The following GPC6 variants were observed in gnomAD, a reference collection of about 807,000 sequenced individuals.
The protein encoded by GPC6 is glypican 6.
Under a neutral mutation model 55.2 loss-of-function variants are expected in GPC6, and 14 were observed. That is an observed-to-expected ratio of 0.25 (90% CI 0.17 to 0.40). The LOEUF (loss-of-function observed/expected upper bound fraction) is 0.40, where lower values mean the gene tolerates loss of function less well. GPC6 is among the 10% of genes least tolerant of loss of function. The probability of loss-of-function intolerance (pLI) is 1.00; values close to 1 mark genes in which losing one functional copy is unlikely to be tolerated. For synonymous variants in GPC6, 278 were observed against 259.6 expected (o/e 1.07, Z -0.68); for missense variants, 641 against 708.5 (o/e 0.90, Z 1.08).
intron 4 of GPC6, among the ~76,000 whole-genome samples, chr13:94,143,650 G>A (rs1887460208): frequency 6.6e-6 from 1 of 152,144 alleles, no homozygotes; most frequent in Admixed American, 6.5e-5. Flanking sequence ...GCACTTTGGA[G>A]GCCAAGGTGG....
chr13:93,729,315 A>G, intron 2 of GPC6, among the ~76,000 whole-genome samples: 1 of 152,200 alleles, frequency 6.6e-6, no homozygotes, highest in South Asian at 2.1e-4. Flanking sequence ...TCAGAGGAGC[A>G]ATAAACACAA....
intron 1 of GPC6, among the ~76,000 whole-genome samples, chr13:93,479,241 C>G (rs907694442): frequency 2.6e-5 from 4 of 152,038 alleles, no homozygotes; most frequent in Admixed American, 6.6e-5. Flanking sequence ...GAACTAAGAA[C>G]CAGATCCAAA....
chr13:93,245,571 G>A (rs1417832670), intron 1 of GPC6, among the ~76,000 whole-genome samples: 1 of 152,214 alleles, frequency 6.6e-6, no homozygotes, highest in Non-Finnish European at 1.5e-5. Context: ...TTTCTAACAA[G>A]TTCTCAGGTG....
At chr13:94,387,826 A>C (rs954590985) in intron 7 of GPC6, among the ~76,000 whole-genome samples, 1 of 151,948 alleles carries the variant, frequency 6.6e-6, no homozygotes, top group African/African-American at 2.4e-5. Context: ...CTAATCAGAC[A>C]CAGGATATGC....
chr13:94,182,215 A>T (rs1468245198), intron 4 of GPC6, among the ~76,000 whole-genome samples: 5 of 148,526 alleles, frequency 3.4e-5, no homozygotes, highest in Admixed American at 1.3e-4. Flanking sequence ...TTTTTTTTTT[A>T]AAGATAAATG....
chr13:93,391,717 G>A (rs538456953), intron 1 of GPC6, among the ~76,000 whole-genome samples: 3 of 152,096 alleles, frequency 2.0e-5, no homozygotes, highest in Non-Finnish European at 4.4e-5. Context: ...TCATTTCTTG[G>A]GGTTCTTTTT....
At chr13:93,529,911 A>G (rs904859861) in intron 1 of GPC6, among the ~76,000 whole-genome samples, 1 of 152,184 alleles carries the variant, frequency 6.6e-6, no homozygotes, top group Non-Finnish European at 1.5e-5. Flanking sequence ...AGTGGAAATT[A>G]AACAAATGAA....
chr13:94,306,139 TTGA>T lies in GPC6; in HGVS notation c.1152+18_1152+20del. On this transcript the variant is annotated intron_variant, in intron 6 of 8. Transcript: ENST00000377047. ...GGACCGGCTGGTGAGTATTCACAGATTGATAACCATGGCGGATGCTTTGTTTTA... is the reference window on the plus strand; with the variant it reads ...GGACCGGCTGGTGAGTATTCACAGATTAACCATGGCGGATGCTTTGTTTTA... The T allele has an allele frequency of 6.2e-7, 1 of 1,613,650 alleles. No homozygotes were observed. The highest frequency in any genetic ancestry group is 1.3e-5 in the African/African-American group (1 of 75,032).
intron 2 of GPC6, among the ~76,000 whole-genome samples, chr13:93,566,781 T>G (rs1180271262): frequency 6.6e-6 from 1 of 152,110 alleles, no homozygotes; most frequent in Non-Finnish European, 1.5e-5. Context: ...GTTCTCATTG[T>G]TCAACTCCCA....
At chr13:93,489,324 G>C (rs199763302) in intron 1 of GPC6, among the ~76,000 whole-genome samples, 1 of 151,300 alleles carries the variant, frequency 6.6e-6, no homozygotes, top group African/African-American at 2.4e-5. Context: ...TGTTCCACTG[G>C]TCTATATCTC....
intron 6 of GPC6, among the ~76,000 whole-genome samples, chr13:94,344,252 G>A (rs1376233647): frequency 6.6e-6 from 1 of 152,194 alleles, no homozygotes; most frequent in East Asian, 1.9e-4. Context: ...TGCCTCCCAT[G>A]CCTCCTAGGC....
intron 1 of GPC6, among the ~76,000 whole-genome samples, chr13:93,287,507 T>C (rs1878175848): frequency 6.6e-6 from 1 of 152,230 alleles, no homozygotes; most frequent in Non-Finnish European, 1.5e-5. Flanking sequence ...GTGGTTCTTA[T>C]GTTACTGGGC....
chr13:94,059,090 T>C (rs2138765011), intron 4 of GPC6, among the ~76,000 whole-genome samples: 1 of 152,254 alleles, frequency 6.6e-6, no homozygotes, highest in South Asian at 2.1e-4. Context: ...GAGTTTTTTT[T>C]TTTAAGAAGG....
intron 1 of GPC6, among the ~76,000 whole-genome samples, chr13:93,351,497 A>T (rs1163761417): frequency 6.6e-6 from 1 of 152,114 alleles, no homozygotes; most frequent in Non-Finnish European, 1.5e-5. Context: ...GCTAGGTAGG[A>T]GGAATACGTT....
chr13:93,481,426 A>G (rs890354751), intron 1 of GPC6, among the ~76,000 whole-genome samples: 2 of 151,834 alleles, frequency 1.3e-5, no homozygotes, highest in African/African-American at 4.8e-5. Flanking sequence ...GATGCACAAA[A>G]TTTTTCAAAT....
At chr13:93,395,154 C>A in intron 1 of GPC6, 1 of 275,904 alleles carries the variant, frequency 3.6e-6, no homozygotes, top group Non-Finnish European at 7.1e-6. Flanking sequence ...TCACTACTAC[C>A]ATATCCACCA....
intron 3 of GPC6, among the ~76,000 whole-genome samples, chr13:93,986,395 T>C (rs932352618): frequency 8.5e-5 from 13 of 152,178 alleles, no homozygotes; most frequent in Non-Finnish European, 8.8e-5. Flanking sequence ...GATAATTTCA[T>C]TGGAAAGTTT....
intron 2 of GPC6, among the ~76,000 whole-genome samples, chr13:93,759,123 A>G (rs1884873445): frequency 6.6e-6 from 1 of 152,158 alleles, no homozygotes; most frequent in Non-Finnish European, 1.5e-5. Context: ...CTTACCTCCC[A>G]GAGAGGCAAT....
chr13:94,181,510 A>G (rs1255368720), intron 4 of GPC6, among the ~76,000 whole-genome samples: 1 of 152,252 alleles, frequency 6.6e-6, no homozygotes, highest in African/African-American at 2.4e-5. Context: ...AGAGCTAACA[A>G]GGATTTAAAA....
Sources: gnomAD v4.1 joint callset for allele counts (sites outside exome capture counted in the v4.1 genomes callset) on GRCh38, gnomAD v4.1.1 for gene constraint, MANE v1.5 for transcripts, NCBI Gene and HGNC (gene_info 2026-07-23, HGNC 2026-07-21) for gene names.